ABCD4: variants seen among roughly 807,000 people sequenced by gnomAD.
ABCD4 encodes the protein ATP binding cassette subfamily D member 4.
Under a neutral mutation model 86.3 loss-of-function variants are expected in ABCD4, and 53 were observed. That is an observed-to-expected ratio of 0.61 (90% CI 0.49 to 0.77). The LOEUF is 0.77. Among genes scored for constraint, ABCD4 ranks in the 30% least tolerant of loss-of-function variants. The pLI is 0.00. For missense variants in ABCD4, 757 were observed against 764.5 expected (o/e 0.99, Z 0.12); for synonymous variants, 328 against 313.6 (o/e 1.05, Z -0.49).
intron 4 of ABCD4, 101 bp downstream of exon 4, chr14:74,297,829 T>C (rs1230485923): frequency 6.7e-7 from 1 of 1,483,282 alleles, no homozygotes; most frequent in Non-Finnish European, 8.9e-7. Flanking sequence ...TGAAAACGAC[T>C]GCAGATGATC....
chr14:74,299,517 CGAGAGACACA>C (rs768273145), intron 3 of ABCD4, 21 bp downstream of exon 3: 3 of 1,610,066 alleles, frequency 1.9e-6, no homozygotes, highest in Admixed American at 3.3e-5. Context: ...CTGGAGAGGA[CGAGAGACACA>C]GAGAGAGGGA....
chr14:74,288,928 A>T, intron 14 of ABCD4, 163 bp from the exon 15 acceptor site: 1 of 970,740 alleles, frequency 1.0e-6, no homozygotes. Context: ...CCTGGCCAAC[A>T]TGGTGAAACG....
intron 13 of ABCD4, 42 bp from the exon 14 acceptor site, chr14:74,289,561 A>G (rs748120138): frequency 6.2e-7 from 1 of 1,609,532 alleles, no homozygotes; most frequent in Non-Finnish European, 8.5e-7. Context: ...GAGGGCGAGC[A>G]AAAGACGGAG....
intron 16 of ABCD4, 105 bp downstream of exon 16, chr14:74,288,102 A>C (rs1594813187): frequency 5.2e-6 from 7 of 1,343,256 alleles, no homozygotes; most frequent in South Asian, 4.0e-5. Context: ...CCAGCCAAAC[A>C]TCTGGACTTT....
rs1187935131 is a variant in ABCD4, at chr14:74,301,922, AAG to A, written c.38+951_38+952del. Among the ~76,000 whole-genome samples, 6 of 152,050 alleles carry A rather than the reference AAG, an allele frequency of 3.9e-5. No individual in the cohort carries two copies. In the East Asian group the frequency reaches 5.8e-4, roughly 15 times the overall value. ...CTCAAAAGAAAGAAAGAAAGAAAGA[AAG>A]AAAATGTACACGATGGGATACCACC... is the stretch of plus-strand genomic sequence containing the variant. On this transcript the variant is annotated intron_variant, in intron 1 of 18. Transcript: ENST00000356924.
At chr14:74,289,765 T>A in intron 13 of ABCD4, 1 of 1,434,860 alleles carries the variant, frequency 7.0e-7, no homozygotes, top group South Asian at 1.5e-5. Flanking sequence ...GAATCCGACC[T>A]TGGGTGTTTG....
chr14:74,290,766 C>T (rs1326972469), intron 11 of ABCD4, among the ~76,000 whole-genome samples: 1 of 143,998 alleles, frequency 6.9e-6, no homozygotes, highest in Admixed American at 7.1e-5. Context: ...CTCACTGCAA[C>T]CTCCGCCTCC....
intron 3 of ABCD4, chr14:74,299,110 G>A (rs556122041): frequency 6.3e-6 from 1 of 157,702 alleles, no homozygotes; most frequent in South Asian, 1.9e-4. Context: ...CCTACTGAAT[G>A]AGGGGTAGGG....
At chr14:74,288,672 C>A in intron 15 of ABCD4, 44 bp downstream of exon 15, 1 of 1,605,024 alleles carries the variant, frequency 6.2e-7, no homozygotes, top group East Asian at 2.2e-5. Context: ...GTAGCTGGTG[C>A]TCCCAGGTGG....
chr14:74,286,945 C>T, intron 17 of ABCD4, 129 bp from the exon 18 acceptor site: 1 of 797,704 alleles, frequency 1.3e-6, no homozygotes, highest in Non-Finnish European at 2.0e-6. Flanking sequence ...TTCCAGAAGC[C>T]CTGCCTCAGG....
chr14:74,286,912 G>A, intron 17 of ABCD4, 96 bp from the exon 18 acceptor site: 1 of 1,205,014 alleles, frequency 8.3e-7, no homozygotes, highest in Non-Finnish European at 1.2e-6. Context: ...TGGGACCCAG[G>A]GGAGGCTGAA....
intron 14 of ABCD4, 169 bp from the exon 15 acceptor site, chr14:74,288,934 A>G (rs913509127): frequency 1.0e-6 from 1 of 958,998 alleles, no homozygotes; most frequent in East Asian, 2.8e-5. Context: ...CAACATGGTG[A>G]AACGCTGTCT....
rs758139648 is a variant in ABCD4, at chr14:74,286,417, C to A, written c.*44G>T. On this transcript the variant is annotated 3_prime_UTR_variant, in exon 19 of 19. Transcript: ENST00000356924. Reference sequence around the variant, plus strand: ...AGTCCTCCTGGTCTCTCCTGAGGGCCGCCGACCCGCCACAGTGTGGCTCTC... The same window carrying A: ...AGTCCTCCTGGTCTCTCCTGAGGGCAGCCGACCCGCCACAGTGTGGCTCTC... 1 of 1,608,568 alleles carries A rather than the reference C, an allele frequency of 6.2e-7. No individual in the cohort carries two copies. The highest frequency in any genetic ancestry group is 1.1e-5 in the South Asian group (1 of 90,938).
At chr14:74,299,363 C>G (rs1234686820) in intron 3 of ABCD4, 185 bp downstream of exon 3, 1 of 676,146 alleles carries the variant, frequency 1.5e-6, no homozygotes, top group African/African-American at 1.8e-5. Flanking sequence ...AGGAATCAGT[C>G]CCACGTGGGC....
intron 13 of ABCD4, 117 bp downstream of exon 13, chr14:74,289,910 C>T (rs2080997905): frequency 1.9e-6 from 3 of 1,553,618 alleles, no homozygotes; most frequent in African/African-American, 2.7e-5. Flanking sequence ...CGGGCCACTT[C>T]ACCACCTCAC....
chr14:74,287,566 A>AAAAAAAG (rs1555392703), intron 17 of ABCD4, among the ~76,000 whole-genome samples: 6 of 148,218 alleles, frequency 4.0e-5, no homozygotes, highest in African/African-American at 1.6e-4. Context: ...AAAAAAAAAA[A>AAAAAAAG]AAAAGAAAAG....
In ABCD4 at chr14:74,296,433, G is replaced by A. The variant is rs1272140621; in HGVS notation, c.442C>T (p.Gln148Ter). The change falls in exon 5 of 19, where the codon CAG becomes TAG. Residue 148 changes from glutamine (Q) to a stop codon, truncating the protein, a stop_gained. Transcript: ENST00000356924. LOFTEE classifies it high-confidence loss of function. Reference sequence around the variant, plus strand: ...TGCCGGCAGAATCGCTCCACGTCCTGGCTGATGCGCTGGTCCCTGGAGCCA... The same window carrying A: ...TGCCGGCAGAATCGCTCCACGTCCTAGCTGATGCGCTGGTCCCTGGAGCCA... Reference protein sequence around the residue: ...DIDNPDQRISQDVERFCRQLS... With the variant: ...DIDNPDQRIS The A allele has an allele frequency of 6.2e-7, 1 of 1,614,112 alleles. No homozygotes were observed. Among genetic ancestry groups the A allele is most frequent in the Non-Finnish European group, 8.5e-7 (1 of 1,180,038 alleles).
intron 7 of ABCD4, 29 bp downstream of exon 7, chr14:74,295,119 C>T: frequency 6.2e-7 from 1 of 1,613,444 alleles, no homozygotes; most frequent in Non-Finnish European, 8.5e-7. Flanking sequence ...TCTGGCAAGG[C>T]AGAAGGGGAA....
rs147794426 is a variant in ABCD4 at position 74,289,414 on chromosome 14, CCA to C, written c.1456+67_1456+68del. 0.012 allele frequency: 19,475 copies of C among 1,601,906 alleles called. 2,000 individuals are homozygous for C. In the African/African-American group the frequency reaches 0.23, roughly 19 times the overall value. On this transcript the variant is annotated intron_variant, in intron 14 of 18. Coordinates refer to ENST00000356924, the MANE Select transcript of ABCD4 (RefSeq NM_005050.4). ...CCTCTCCCCAAGGGCACAGATGAGG[CCA>C]CAGTCAGGTAGAGCAGGGACAACCA...
Sources: gnomAD v4.1 joint callset for allele counts (sites outside exome capture counted in the v4.1 genomes callset) on GRCh38, gnomAD v4.1.1 for gene constraint, MANE v1.5 for transcripts, NCBI Gene and HGNC (gene_info 2026-07-23, HGNC 2026-07-21) for gene names.